Variants in TPD52 observed in about 807,000 individuals in gnomAD.
TPD52 encodes the protein prostate and colon associated protein.
A neutral mutation model predicts 31.3 loss-of-function variants in TPD52; 17 were observed. The ratio of observed to expected loss-of-function variants is 0.54; its 90% CI spans 0.37 to 0.82. TPD52 has a LOEUF of 0.82. Ranked by LOEUF, TPD52 falls within the 40% of genes least tolerant of loss-of-function variation. TPD52 has a pLI of 0.00. For synonymous variants in TPD52, 83 were observed against 89.6 expected (o/e 0.93, Z 0.42); for missense variants, 212 against 240.1 (o/e 0.88, Z 0.77).
At chr8:80,072,317 A>ATGTGTGTATGTG (rs1554582868) in intron 1 of TPD52, among the ~76,000 whole-genome samples, 1 of 121,312 alleles carries the variant, frequency 8.2e-6, no homozygotes, top group Non-Finnish European at 1.7e-5. Context: ...AAAAACATAT[A>ATGTGTGTATGTG]TGTGTGTGTG....
chr8:80,031,548 G>GC (rs1174420349), downstream of TPD52, among the ~76,000 whole-genome samples: 1 of 152,100 alleles, frequency 6.6e-6, no homozygotes, highest in African/African-American at 2.4e-5. Flanking sequence ...AAAGAGCATG[G>GC]CCAGTGGTCT....
At chr8:80,084,460 G>C (rs1172143520) in intron 1 of TPD52, among the ~76,000 whole-genome samples, 1 of 152,222 alleles carries the variant, frequency 6.6e-6, no homozygotes, top group Non-Finnish European at 1.5e-5. Context: ...GGTGGGGCTG[G>C]CAGCTCCTTC....
intron 5 of TPD52, among the ~76,000 whole-genome samples, chr8:80,044,920 T>C (rs1241174983): frequency 6.6e-6 from 1 of 152,256 alleles, no homozygotes; most frequent in Non-Finnish European, 1.5e-5. Flanking sequence ...TGTGCGCTTA[T>C]GATTTCCTTT....
chr8:80,082,520 T>C (rs139235279), intron 1 of TPD52, among the ~76,000 whole-genome samples: 74 of 152,350 alleles, frequency 4.9e-4, no homozygotes, highest in Non-Finnish European at 9.4e-4. Flanking sequence ...CCTCCATCCT[T>C]CTCACCATCT....
intron 1 of TPD52, among the ~76,000 whole-genome samples, chr8:80,130,399 A>C (rs887132408): frequency 1.3e-5 from 2 of 152,156 alleles, no homozygotes; most frequent in Admixed American, 6.5e-5. Context: ...TTTACTCCTA[A>C]ATGTAGCAGA....
Position 80,035,589 on chromosome 8 carries a change from TTAAA to T in TPD52, c.*2523_*2526del, listed in dbSNP as rs1253074722. ...ATATCTTAACAGATCCAGATCCAAA[TTAAA>T]TACTTTTTTTCTATTTCAAACTATT... On this transcript the variant is annotated 3_prime_UTR_variant, in exon 8 of 8. Transcript: ENST00000518937. The T allele has an allele frequency of 2.6e-5, 4 of 152,226 alleles. No individual in the cohort carries two copies. Among genetic ancestry groups the T allele is most frequent in the Non-Finnish European group, 4.4e-5 (3 of 68,032 alleles). The allele number at this position is 152,226 out of a possible 1,614,324, so 9.4% of individuals were successfully genotyped here. A position where few individuals can be genotyped will look rare whatever the true frequency, so the allele number is the denominator to read the frequency against.
intron 2 of TPD52, among the ~76,000 whole-genome samples, chr8:80,061,990 A>G (rs113812272): frequency 2.3e-3 from 349 of 152,326 alleles, no homozygotes; most frequent in African/African-American, 7.6e-3. Flanking sequence ...TAAGATGGCA[A>G]TACTCACCAA....
intron 3 of TPD52, 99 bp downstream of exon 3, chr8:80,053,183 C>T: frequency 3.0e-6 from 4 of 1,332,778 alleles, no homozygotes; most frequent in Non-Finnish European, 4.0e-6. Flanking sequence ...AGAAAAGCTG[C>T]TGAAGCATCC....
chr8:80,110,731 CTG>C (rs2130978400), intron 1 of TPD52, among the ~76,000 whole-genome samples: 1 of 152,242 alleles, frequency 6.6e-6, no homozygotes, highest in South Asian at 2.1e-4. Flanking sequence ...AAACCAGAAA[CTG>C]CACCAATCAG....
intron 1 of TPD52, among the ~76,000 whole-genome samples, chr8:80,111,627 A>G (rs4540442): frequency 0.44 from 67,653 of 152,140 alleles, 15,528 homozygotes; most frequent in East Asian, 0.79. Context: ...CTTACCATTA[A>G]TAAATCATGC....
In TPD52 at chr8:80,037,892, G is replaced by A. The variant is rs1810019269; in HGVS notation, c.*224C>T. 1.1e-5 allele frequency: 5 copies of A among 449,138 alleles called. No individual in the cohort carries two copies. The Admixed American group carries it at 1.1e-4, about 10-fold the overall frequency. The allele number at this position is 449,138 out of a possible 1,614,324, so 27.8% of individuals were successfully genotyped here. On this transcript the variant is annotated 3_prime_UTR_variant, in exon 8 of 8. Coordinates refer to ENST00000518937, the MANE Select transcript of TPD52 (RefSeq NM_001025253.3). ...TTACTATAAGTGTTTTTATAATGGT[G>A]TTTCCTAAATAAAGGAACATAAATG... is the stretch of plus-strand genomic sequence containing the variant.
At chr8:80,058,987 A>T (rs1263120566) in intron 2 of TPD52, among the ~76,000 whole-genome samples, 2 of 152,210 alleles carry the variant, frequency 1.3e-5, no homozygotes, top group East Asian at 3.8e-4. Context: ...ATATGTACAG[A>T]ACAGCTCACC....
At chr8:80,085,193 C>T (rs1001024937) in intron 1 of TPD52, among the ~76,000 whole-genome samples, 9 of 152,158 alleles carry the variant, frequency 5.9e-5, no homozygotes, top group Non-Finnish European at 1.5e-5. Context: ...AGTGCTCACG[C>T]ACCACTATGC....
intron 1 of TPD52, among the ~76,000 whole-genome samples, chr8:80,163,064 T>G (rs1019509332): frequency 2.6e-5 from 4 of 152,184 alleles, no homozygotes; most frequent in African/African-American, 9.7e-5. Context: ...GAAAACAGTA[T>G]GAAGGTTCTG....
intron 1 of TPD52, among the ~76,000 whole-genome samples, chr8:80,125,046 T>C (rs1344357226): frequency 1.3e-5 from 2 of 152,214 alleles, no homozygotes; most frequent in Non-Finnish European, 2.9e-5. Context: ...CTGATGATTC[T>C]AATGTACAAG....
intron 1 of TPD52, among the ~76,000 whole-genome samples, chr8:80,152,587 C>T (rs1343234002): frequency 6.6e-6 from 1 of 151,984 alleles, no homozygotes; most frequent in Non-Finnish European, 1.5e-5. Flanking sequence ...CCGAGACCAG[C>T]CGGGTCAACA....
chr8:80,121,257 GTTAT>G (rs553809965), intron 1 of TPD52, among the ~76,000 whole-genome samples: 138 of 152,040 alleles, frequency 9.1e-4, no homozygotes, highest in Non-Finnish European at 1.7e-3. Flanking sequence ...AACACTAAGG[GTTAT>G]TTAAGGTGAA....
intron 1 of TPD52, among the ~76,000 whole-genome samples, chr8:80,089,687 C>T (rs1432998783): frequency 6.6e-6 from 1 of 152,208 alleles, no homozygotes; most frequent in Non-Finnish European, 1.5e-5. Flanking sequence ...TATGACTTAT[C>T]CTTAAGGAAC....
intron 1 of TPD52, among the ~76,000 whole-genome samples, chr8:80,135,435 C>A (rs900321541): frequency 6.6e-6 from 1 of 152,052 alleles, no homozygotes; most frequent in Non-Finnish European, 1.5e-5. Context: ...TACCTGCCCC[C>A]CAGGAGAGTT....
Sources: allele counts gnomAD v4.1 joint callset (sites outside exome capture counted in the v4.1 genomes callset), GRCh38; gene constraint gnomAD v4.1.1; transcripts MANE v1.5; gene names NCBI Gene and HGNC (gene_info 2026-07-23, HGNC 2026-07-21).